The following NPAS1 variants were observed in gnomAD, a reference collection of about 807,000 sequenced individuals.
NPAS1 encodes the protein neuronal PAS domain-containing protein 1.
NPAS1 carries 29 observed loss-of-function variants against 49.2 expected under a neutral mutation model. The ratio of observed to expected loss-of-function variants is 0.59; its 90% CI spans 0.44 to 0.80. NPAS1 has a LOEUF of 0.80. Among genes scored for constraint, NPAS1 ranks in the 30% least tolerant of loss-of-function variants. The pLI is 0.00. For synonymous variants in NPAS1, 408 were observed against 380.4 expected, an observed-to-expected ratio of 1.07 and a Z score of -0.84; for missense variants, 825 against 835.5, an observed-to-expected ratio of 0.99 and a Z score of 0.15.
chr19:47,034,388 C>T (rs1466670440), intron 5 of NPAS1, among the ~76,000 whole-genome samples: 3 of 151,316 alleles, frequency 2.0e-5, no homozygotes, highest in South Asian at 2.1e-4. Flanking sequence ...TCTCACAGCA[C>T]CTTAAGCTTT....
intron 3 of NPAS1, among the ~76,000 whole-genome samples, chr19:47,023,408 C>T (rs1401938030): frequency 6.6e-6 from 1 of 152,134 alleles, no homozygotes; most frequent in Non-Finnish European, 1.5e-5. Context: ...ATCGATCCCA[C>T]CTCGACCACG....
At chr19:47,042,943 A>G (rs748200263) in intron 11 of NPAS1, 39 bp downstream of exon 11, 5 of 1,475,892 alleles carry the variant, frequency 3.4e-6, no homozygotes, top group Non-Finnish European at 4.5e-6. Flanking sequence ...GGGAAGCTCC[A>G]AGGAACCTTT....
At chr19:47,033,173 T>G (rs2056919966) in intron 5 of NPAS1, among the ~76,000 whole-genome samples, 1 of 152,058 alleles carries the variant, frequency 6.6e-6, no homozygotes, top group Non-Finnish European at 1.5e-5. Flanking sequence ...CCTGACCTCG[T>G]GATCCACCTG....
At chr19:47,042,685 T>A in intron 10 of NPAS1, 125 bp from the exon 11 acceptor site, 1 of 668,830 alleles carries the variant, frequency 1.5e-6, no homozygotes. Context: ...TGTAAGTGCC[T>A]CAGGGTGGGG....
chr19:47,023,876 G>T (rs1599892508), intron 3 of NPAS1, among the ~76,000 whole-genome samples: 1 of 152,292 alleles, frequency 6.6e-6, no homozygotes, highest in Middle Eastern at 3.4e-3. Flanking sequence ...GGAGGCCAAG[G>T]CGGGCAGATC....
rs1212455973 is a variant in NPAS1, at chr19:47,021,026, C to A, written c.-22C>A. ...TGCAGGAGACTCGGGGCTCGGAGCC[C>A]GCCTGAGCGAGCCCCCCGGAGATGG... On this transcript the variant is annotated 5_prime_UTR_variant, in exon 2 of 12. Coordinates refer to ENST00000602212, the MANE Select transcript of NPAS1 (RefSeq NM_002517.4). This position sits in a 1 kb window ranked among gnomAD's most constrained non-coding sequence, Gnocchi z 5.7. 18 of 1,588,552 alleles carry A rather than the reference C, an allele frequency of 1.1e-5. No homozygotes were observed. Among genetic ancestry groups the A allele is most frequent in the Non-Finnish European group, 1.5e-5 (18 of 1,170,290 alleles).
chr19:47,030,919 C>G (rs1040024449), intron 3 of NPAS1, among the ~76,000 whole-genome samples: 1 of 151,958 alleles, frequency 6.6e-6, no homozygotes, highest in South Asian at 2.1e-4. Context: ...GGATTACAGG[C>G]GTGAGCCACC....
chr19:47,021,144 A>C lies in NPAS1; in HGVS notation c.97A>C (p.Met33Leu). 6.3e-7 allele frequency: 1 copy of C among 1,596,424 alleles called. No individual in the cohort carries two copies. The highest frequency in any genetic ancestry group is 8.5e-7 in the Non-Finnish European group (1 of 1,172,922). ...CCCCTGGGACTTTCTACCCGGGCTG[A>C]TGGTCAAGGCGCCGTCCGGACCGTG... ...SVPWDFLPGL[M>L]VKAPSGPCLQ... Residue 33 changes from methionine to leucine, a missense_variant, in exon 2 of 12, where the codon ATG (methionine) becomes CTG (leucine). Met to Leu is a conservative substitution (Grantham distance 15). Coordinates refer to ENST00000602212, the MANE Select transcript of NPAS1 (RefSeq NM_002517.4). This position sits in a 1 kb window ranked among gnomAD's most constrained non-coding sequence, Gnocchi z 5.7.
intron 11 of NPAS1, among the ~76,000 whole-genome samples, chr19:47,044,919 A>G (rs1378508944): frequency 2.0e-5 from 3 of 152,128 alleles, no homozygotes; most frequent in Non-Finnish European, 4.4e-5. Flanking sequence ...AATCCCAGCT[A>G]CTGGGGAGGC....
chr19:47,041,140 C>A lies in NPAS1; in HGVS notation c.1217+15C>A. ...CACGTGCTCAGGTGAGGGCTGTGCC[C>A]ACCCCTCCTGCAGGGCACTCAGGGC... On this transcript the variant is annotated intron_variant, in intron 10 of 11. Transcript: ENST00000602212. The A allele has an allele frequency of 6.4e-7, 1 of 1,557,490 alleles. No individual in the cohort carries two copies. Among genetic ancestry groups the A allele is most frequent in the East Asian group, 2.3e-5 (1 of 42,868 alleles).
At position 47,036,438 on chromosome 19, in the gene NPAS1, CACATT is replaced by C. The variant is rs199901160; in HGVS notation, c.688+314_688+318del. On this transcript the variant is annotated intron_variant, in intron 6 of 11. Coordinates refer to ENST00000602212, the MANE Select transcript of NPAS1 (RefSeq NM_002517.4). The stretch of plus-strand genomic sequence containing the variant: ...CCGGCTGTGTCTGTAAGTGCACAAT[CACATT>C]ACATAATTACGTTAGGGCCGGGCGC... Among the ~76,000 whole-genome samples the C allele has an allele frequency of 3.5e-3, 529 of 152,330 alleles. 1 individual carries two copies. Among genetic ancestry groups the C allele is most frequent in the African/African-American group, 0.012 (503 of 41,572 alleles).
Position 47,042,181 on chromosome 19 carries a change from C to T in NPAS1, c.1218-629C>T, listed in dbSNP as rs865799400. 3.9e-5 allele frequency among the ~76,000 whole-genome samples: 6 copies of T among 152,002 alleles called. No individual in the cohort carries two copies. In the East Asian group the frequency reaches 5.8e-4, roughly 15 times the overall value. ...AAAATTAGCTGGGCATAGTGGTGCA[C>T]GCCTGTAATCCCAGCTACTCGGGAG... is the stretch of plus-strand genomic sequence containing the variant. On this transcript the variant is annotated intron_variant, in intron 10 of 11. Coordinates refer to ENST00000602212, the MANE Select transcript of NPAS1 (RefSeq NM_002517.4).
At chr19:47,038,073 GC>G (rs1367264075) in intron 6 of NPAS1, among the ~76,000 whole-genome samples, 1 of 152,310 alleles carries the variant, frequency 6.6e-6, no homozygotes, top group East Asian at 1.9e-4. Flanking sequence ...GGCTGACCCA[GC>G]CTGAGGGTCA....
intron 3 of NPAS1, among the ~76,000 whole-genome samples, chr19:47,028,613 G>A (rs1460606934): frequency 2.0e-5 from 3 of 152,144 alleles, no homozygotes; most frequent in Non-Finnish European, 2.9e-5. Context: ...GGGAGTCACC[G>A]CTCCTGGCAA....
In NPAS1 at chr19:47,023,604, A is replaced by G. The variant is rs568526189; in HGVS notation, c.358+1757A>G. Among the ~76,000 whole-genome samples the G allele has an allele frequency of 4.6e-5, 7 of 152,294 alleles. No homozygotes were observed. The East Asian group carries it at 1.4e-3, about 29-fold the overall frequency. ...TGAGGACAGCATTTTAGCTGAAGCC[A>G]CAGAGCAGAGCACTGTCAGTCACAC... On this transcript the variant is annotated intron_variant, in intron 3 of 11. Coordinates refer to ENST00000602212, the MANE Select transcript of NPAS1 (RefSeq NM_002517.4).
intron 6 of NPAS1, among the ~76,000 whole-genome samples, chr19:47,038,771 G>C (rs1311596522): frequency 2.0e-5 from 3 of 152,060 alleles, no homozygotes; most frequent in African/African-American, 7.2e-5. Flanking sequence ...AGGTTGCAGT[G>C]AGCCAAGATT....
At chr19:47,020,636 C>A (rs143537037) in intron 1 of NPAS1, among the ~76,000 whole-genome samples, 6,550 of 151,938 alleles carry the variant, frequency 0.043, 167 homozygotes, top group African/African-American at 0.065. Context: ...GGCGTGCGTG[C>A]CTGGCCCGGG....
chr19:47,021,822 A>T lies in NPAS1; in HGVS notation c.333A>T (p.Arg111Ser). 6.6e-7 allele frequency: 1 copy of T among 1,513,046 alleles called. No homozygotes were observed. Among genetic ancestry groups the T allele is most frequent in the Non-Finnish European group, 8.8e-7 (1 of 1,134,338 alleles). The allele number at this position is 1,513,046 out of a possible 1,614,324, so 93.7% of individuals were successfully genotyped here. Residue 111 changes from arginine to serine, a missense_variant, in exon 3 of 12, where the codon AGA becomes AGT. Arg to Ser is a moderately radical substitution (Grantham distance 110). Coordinates refer to ENST00000602212, the MANE Select transcript of NPAS1 (RefSeq NM_002517.4). This position sits in a 1 kb window ranked among gnomAD's most constrained non-coding sequence, Gnocchi z 5.7. ...AALGAPPWGL[R>S]AAGPPAGLAP... ...TGGGGGCGCCGCCCTGGGGGCTGAG[A>T]GCCGCGGGGCCGCCAGCTGGCCTCG...
chr19:47,039,317 T>TG, intron 7 of NPAS1, 90 bp from the exon 8 acceptor site: 1 of 1,561,596 alleles, frequency 6.4e-7, no homozygotes, highest in Non-Finnish European at 8.7e-7. Flanking sequence ...CCAGCACCTG[T>TG]GGGGGACAGA....
Sources: gnomAD v4.1 joint callset for allele counts (sites outside exome capture counted in the v4.1 genomes callset) on GRCh38, gnomAD v4.1.1 for gene constraint, Gnocchi (gnomAD v3.1) non-coding constraint, MANE v1.5 for transcripts, NCBI Gene and HGNC (gene_info 2026-07-23, HGNC 2026-07-21) for gene names.